SNX1: variants seen among roughly 807,000 people sequenced by gnomAD.
The protein encoded by SNX1 is sorting nexin 1.
SNX1 carries 36 observed loss-of-function variants against 71.8 expected under a neutral mutation model. That is an observed-to-expected ratio of 0.50 (90% CI 0.38 to 0.66). SNX1 has a LOEUF of 0.66. Among genes scored for constraint, SNX1 ranks in the 30% least tolerant of loss-of-function variants. The probability of loss-of-function intolerance (pLI) is 0.00; values close to 1 mark genes in which losing one functional copy is unlikely to be tolerated. For synonymous variants in SNX1, 254 were observed against 240.7 expected (o/e 1.06, Z -0.51); for missense variants, 612 against 646.7 (o/e 0.95, Z 0.58).
rs780851706 is a variant in SNX1, at chr15:64,096,031, T to C, written c.18T>C (p.Gly6=). The change falls in exon 1 of 15, where the codon GGT becomes GGC. Residue 6 remains glycine (G), a synonymous_variant. Coordinates refer to ENST00000559844, the MANE Select transcript of SNX1 (RefSeq NM_003099.5). ...GGAAGAAGATGGCGTCGGGTGGTGG[T>C]GGCTGTAGCGCTTCGGAGAGACTGC... MASGG[G]GCSASERLPP... 1.3e-6 allele frequency: 2 copies of C among 1,594,810 alleles called. No homozygotes were observed. Among genetic ancestry groups the C allele is most frequent in the Admixed American group, 1.8e-5 (1 of 56,750 alleles).
chr15:64,123,234 C>G (rs2081213794), intron 4 of SNX1, among the ~76,000 whole-genome samples: 1 of 152,144 alleles, frequency 6.6e-6, no homozygotes, highest in Non-Finnish European at 1.5e-5. Context: ...ATAAATGGAG[C>G]CTGGCCTGGC....
intron 1 of SNX1, among the ~76,000 whole-genome samples, chr15:64,102,799 T>C (rs1404032622): frequency 6.8e-6 from 1 of 146,078 alleles, no homozygotes; most frequent in African/African-American, 2.6e-5. Context: ...CACAGGGTCT[T>C]GCTCTGTCTC....
intron 4 of SNX1, 51 bp from the exon 5 acceptor site, chr15:64,123,452 G>T: frequency 6.8e-7 from 1 of 1,474,352 alleles, no homozygotes; most frequent in Non-Finnish European, 9.5e-7. Context: ...TAGCTGGATT[G>T]GCACTGCTTT....
At chr15:64,135,007 G>A (rs927733374) in intron 12 of SNX1, 200 bp downstream of exon 12, 8 of 615,412 alleles carry the variant, frequency 1.3e-5, no homozygotes, top group South Asian at 1.2e-4. Flanking sequence ...TCTACTCTAC[G>A]CAGACTTGTC....
At chr15:64,131,963 A>C in intron 11 of SNX1, 71 bp downstream of exon 11, 1 of 1,519,304 alleles carries the variant, frequency 6.6e-7, no homozygotes, top group South Asian at 1.1e-5. Flanking sequence ...TCCCCTTCCC[A>C]AGACAGTTTC....
intron 11 of SNX1, among the ~76,000 whole-genome samples, chr15:64,133,866 C>T (rs1227107058): frequency 1.3e-5 from 2 of 152,168 alleles, no homozygotes; most frequent in African/African-American, 2.4e-5. Context: ...TCCGGGTGGG[C>T]GTGGTTAGTC....
At chr15:64,103,976 C>T (rs759875271) in intron 1 of SNX1, among the ~76,000 whole-genome samples, 1 of 152,164 alleles carries the variant, frequency 6.6e-6, no homozygotes, top group Non-Finnish European at 1.5e-5. Flanking sequence ...GCCTCAAACA[C>T]TTGTTTTTGG....
Position 64,138,172 on chromosome 15 carries a change from C to T in SNX1, c.*554C>T, listed in dbSNP as rs778491672. The T allele has an allele frequency of 4.4e-5, 68 of 1,535,356 alleles. No homozygotes were observed. Among genetic ancestry groups the T allele is most frequent in the Non-Finnish European group, 5.8e-5 (66 of 1,146,858 alleles). On this transcript the variant is annotated 3_prime_UTR_variant, in exon 15 of 15. Coordinates refer to ENST00000559844, the MANE Select transcript of SNX1 (RefSeq NM_003099.5). ...CTCTGGAAATGGGGTTTCTTTCTCT[C>T]CGCCTACCTCAGCTACCTGTTCTGA... is the stretch of plus-strand genomic sequence containing the variant.
intron 1 of SNX1, among the ~76,000 whole-genome samples, chr15:64,099,311 A>G (rs939496357): frequency 4.6e-5 from 7 of 152,236 alleles, no homozygotes; most frequent in African/African-American, 1.7e-4. Context: ...AAATGCCTGT[A>G]AAGTGCTTAG....
Position 64,138,151 on chromosome 15 carries a change from G to C in SNX1, c.*533G>C, listed in dbSNP as rs766429064. 2.0e-6 allele frequency: 3 copies of C among 1,535,580 alleles called. No individual in the cohort carries two copies. Among genetic ancestry groups the C allele is most frequent in the Non-Finnish European group, 2.6e-6 (3 of 1,146,860 alleles). ...AAGTTTTGTGCTGCTGCTTCCCTCT[G>C]GAAATGGGGTTTCTTTCTCTCCGCC... On this transcript the variant is annotated 3_prime_UTR_variant, in exon 15 of 15. Coordinates refer to ENST00000559844, the MANE Select transcript of SNX1 (RefSeq NM_003099.5).
intron 1 of SNX1, among the ~76,000 whole-genome samples, chr15:64,097,072 T>C (rs923473581): frequency 6.6e-6 from 1 of 152,228 alleles, no homozygotes. Context: ...TTTCTGGATT[T>C]TAAGTGCTCC....
intron 1 of SNX1, among the ~76,000 whole-genome samples, chr15:64,097,644 A>G (rs2080917061): frequency 6.6e-6 from 1 of 152,206 alleles, no homozygotes. Context: ...TGTGGAAATC[A>G]GTAATCAGTT....
rs565162135 is a variant in SNX1 at position 64,127,715 on chromosome 15, A to T, written c.732-16A>T. The T allele has an allele frequency of 5.3e-4, 856 of 1,607,310 alleles. 10 individuals carry two copies. In the South Asian group the frequency reaches 8.6e-3, roughly 16 times the overall value. ...GGCCAGCTCAACTAACCAGATGATAACTGCTTACCTTTTAGGTACCTTCAG... is the reference window on the plus strand; with the variant it reads ...GGCCAGCTCAACTAACCAGATGATATCTGCTTACCTTTTAGGTACCTTCAG... On this transcript the variant is annotated splice_polypyrimidine_tract_variant and intron_variant, in intron 7 of 14. Coordinates refer to ENST00000559844, the MANE Select transcript of SNX1 (RefSeq NM_003099.5).
chr15:64,118,327 C>A, intron 3 of SNX1, 83 bp downstream of exon 3: 4 of 1,408,166 alleles, frequency 2.8e-6, no homozygotes, highest in African/African-American at 1.4e-5. Flanking sequence ...TGAGTATGAA[C>A]CTTGAGAAAA....
intron 11 of SNX1, chr15:64,132,322 T>C (rs1000039576): frequency 2.5e-5 from 5 of 203,704 alleles, no homozygotes; most frequent in African/African-American, 7.0e-5. Flanking sequence ...TCTTGCTGAC[T>C]TCCACTTGTC....
At chr15:64,136,547 TG>T (rs929740854) in intron 13 of SNX1, 137 bp downstream of exon 13, 30 of 734,324 alleles carry the variant, frequency 4.1e-5, no homozygotes, top group Non-Finnish European at 1.7e-5. Context: ...TGGCCTTCTT[TG>T]GGGGGGTGTG....
intron 10 of SNX1, 90 bp from the exon 11 acceptor site, chr15:64,131,597 C>A: frequency 8.1e-7 from 1 of 1,238,228 alleles, no homozygotes; most frequent in Non-Finnish European, 1.2e-6. Context: ...CAGTGGGCGG[C>A]ATTGCTAAGA....
chr15:64,104,342 G>A (rs1479261245), intron 1 of SNX1, among the ~76,000 whole-genome samples: 1 of 131,062 alleles, frequency 7.6e-6, no homozygotes, highest in East Asian at 2.4e-4. Context: ...GCGCGATTTT[G>A]GCTCACTGCA....
intron 1 of SNX1, among the ~76,000 whole-genome samples, chr15:64,107,838 T>C (rs1390332506): frequency 6.6e-6 from 1 of 152,198 alleles, no homozygotes; most frequent in Non-Finnish European, 1.5e-5. Context: ...CCTAGAAATT[T>C]AGCCCCTTTC....
Sources: allele counts gnomAD v4.1 joint callset (sites outside exome capture counted in the v4.1 genomes callset), GRCh38; gene constraint gnomAD v4.1.1; transcripts MANE v1.5; gene names NCBI Gene and HGNC (gene_info 2026-07-23, HGNC 2026-07-21).